The following CPED1 variants were observed in gnomAD, a reference collection of about 807,000 sequenced individuals.
CPED1 encodes cadherin like and PC-esterase domain containing 1.
CPED1 carries 114 observed loss-of-function variants against 128.2 expected under a neutral mutation model. The observed-to-expected ratio is 0.89, with a 90% CI of 0.76 to 1.04. The LOEUF (loss-of-function observed/expected upper bound fraction) is 1.04, where lower values mean the gene tolerates loss of function less well. Ranked by LOEUF, CPED1 falls within the 50% of genes least tolerant of loss-of-function variation. The probability of loss-of-function intolerance (pLI) is 0.00; values close to 1 mark genes in which losing one functional copy is unlikely to be tolerated. For synonymous variants in CPED1, 462 were observed against 426.7 expected, an observed-to-expected ratio of 1.08 and a Z score of -1.02; for missense variants, 1,211 against 1,207.1, an observed-to-expected ratio of 1.00 and a Z score of -0.05.
chr7:121,100,908 GA>G (rs1198840282), intron 7 of CPED1, among the ~76,000 whole-genome samples: 2 of 151,992 alleles, frequency 1.3e-5, no homozygotes, highest in East Asian at 3.9e-4. Flanking sequence ...GCAAATTTTA[GA>G]ATTTATTTCT....
chr7:121,046,156 C>T (rs1345088154), intron 3 of CPED1, among the ~76,000 whole-genome samples: 1 of 151,908 alleles, frequency 6.6e-6, no homozygotes, highest in African/African-American at 2.4e-5. Flanking sequence ...AAGAATGTAC[C>T]CTTCTGAGAT....
intron 5 of CPED1, among the ~76,000 whole-genome samples, chr7:121,065,979 T>C (rs1793821983): frequency 6.6e-6 from 1 of 152,166 alleles, no homozygotes; most frequent in East Asian, 1.9e-4. Context: ...TATTTTCTGA[T>C]CTAAGTTTTA....
Position 121,122,921 on chromosome 7 carries a change from T to C in CPED1, c.919-1410T>C, listed in dbSNP as rs530287627. Among the ~76,000 whole-genome samples the C allele has an allele frequency of 7.9e-5, 12 of 152,308 alleles. 1 individual carries two copies. Among genetic ancestry groups the C allele is most frequent in the South Asian group, 6.2e-4 (3 of 4,818 alleles). The stretch of plus-strand genomic sequence containing the variant: ...GACATTTCCAACTTTCATATATTAT[T>C]AACCTTAACCTCTGTGATATTCAGG... On this transcript the variant is annotated intron_variant, in intron 7 of 22. Coordinates refer to ENST00000310396, the MANE Select transcript of CPED1 (RefSeq NM_024913.5).
rs975868062 is a variant in CPED1 at position 121,226,390 on chromosome 7, A to G, written c.2056-10324A>G. Among the ~76,000 whole-genome samples, 6 of 152,068 alleles carry G rather than the reference A, an allele frequency of 3.9e-5. No homozygotes were observed. In the East Asian group the frequency reaches 9.7e-4, roughly 25 times the overall value. ...CTGCAGACCGGAGCTGTTCCTGTTC[A>G]GCCATCTTGGAATGGATGTCCTCCA... On this transcript the variant is annotated intron_variant, in intron 16 of 22. Coordinates refer to ENST00000310396, the MANE Select transcript of CPED1 (RefSeq NM_024913.5).
chr7:121,202,684 C>A (rs1157974078), intron 16 of CPED1, among the ~76,000 whole-genome samples: 2 of 152,076 alleles, frequency 1.3e-5, no homozygotes, highest in African/African-American at 4.8e-5. Context: ...CAGAGAGTAT[C>A]CTGTTTCTCT....
chr7:121,229,417 A>G (rs1052389228), intron 16 of CPED1, among the ~76,000 whole-genome samples: 13 of 152,056 alleles, frequency 8.5e-5, no homozygotes, highest in African/African-American at 3.1e-4. Context: ...CTTGCTTCTC[A>G]GCATATGTCT....
chr7:121,161,671 C>T (rs1382051631), intron 16 of CPED1, among the ~76,000 whole-genome samples: 1 of 152,164 alleles, frequency 6.6e-6, no homozygotes, highest in African/African-American at 2.4e-5. Context: ...ACTTCTCTGC[C>T]TACCATAAAG....
At chr7:121,094,070 G>C (rs1794639305) in intron 5 of CPED1, among the ~76,000 whole-genome samples, 1 of 152,110 alleles carries the variant, frequency 6.6e-6, no homozygotes, top group South Asian at 2.1e-4. Context: ...ATACCTGTAG[G>C]CTAAGTTCTA....
chr7:121,121,581 C>G (rs1337165458), intron 7 of CPED1, among the ~76,000 whole-genome samples: 1 of 152,112 alleles, frequency 6.6e-6, no homozygotes, highest in Non-Finnish European at 1.5e-5. Flanking sequence ...ATACTGATTT[C>G]CTTGCGAACT....
intron 2 of CPED1, among the ~76,000 whole-genome samples, chr7:121,015,074 A>G (rs1054527652): frequency 6.6e-6 from 1 of 152,238 alleles, no homozygotes; most frequent in Non-Finnish European, 1.5e-5. Flanking sequence ...ACGTAGAATT[A>G]TGATACTTCA....
intron 3 of CPED1, among the ~76,000 whole-genome samples, chr7:121,028,447 C>T (rs1031962588): frequency 3.3e-5 from 5 of 152,122 alleles, no homozygotes; most frequent in Non-Finnish European, 5.9e-5. Flanking sequence ...ACTGAATTTG[C>T]GCAGACGCTG....
At chr7:121,201,945 T>C (rs1411305221) in intron 16 of CPED1, among the ~76,000 whole-genome samples, 1 of 152,134 alleles carries the variant, frequency 6.6e-6, no homozygotes, top group Non-Finnish European at 1.5e-5. Flanking sequence ...TGGAACAAAA[T>C]TGAGTATGCT....
intron 18 of CPED1, among the ~76,000 whole-genome samples, chr7:121,256,111 C>CA (rs1286167648): frequency 0.14 from 4,519 of 32,220 alleles, 196 homozygotes; most frequent in Non-Finnish European, 0.18. Flanking sequence ...CAATCCTAAG[C>CA]AAAAAAAAAA....
chr7:121,067,237 T>C (rs1793853730), intron 5 of CPED1, among the ~76,000 whole-genome samples: 1 of 152,088 alleles, frequency 6.6e-6, no homozygotes, highest in Non-Finnish European at 1.5e-5. Context: ...TAACATTAGG[T>C]ATATCTCCTA....
intron 22 of CPED1, among the ~76,000 whole-genome samples, chr7:121,287,076 G>A (rs889174595): frequency 2.6e-5 from 4 of 152,172 alleles, no homozygotes; most frequent in East Asian, 1.9e-4. Context: ...CCACCTCCCC[G>A]ATTCAATTAC....
chr7:121,102,422 G>A (rs886722276), intron 7 of CPED1, among the ~76,000 whole-genome samples: 10 of 152,146 alleles, frequency 6.6e-5, no homozygotes, highest in African/African-American at 2.4e-5. Flanking sequence ...GACAGAATGT[G>A]CTCCAAACAT....
At chr7:121,102,791 C>G (rs1794887044) in intron 7 of CPED1, among the ~76,000 whole-genome samples, 2 of 152,064 alleles carry the variant, frequency 1.3e-5, no homozygotes, top group South Asian at 4.2e-4. Flanking sequence ...CAAATAGCCT[C>G]CAACAACTCC....
At chr7:121,248,803 A>G (rs1354864611) in intron 18 of CPED1, among the ~76,000 whole-genome samples, 1 of 152,154 alleles carries the variant, frequency 6.6e-6, no homozygotes, top group Non-Finnish European at 1.5e-5. Context: ...AAATGAGTCC[A>G]CTAGCTTCTC....
chr7:121,169,643 A>G (rs1485679626), intron 16 of CPED1, among the ~76,000 whole-genome samples: 1 of 152,210 alleles, frequency 6.6e-6, no homozygotes, highest in East Asian at 1.9e-4. Context: ...CGTGTATCCC[A>G]GTGCCTGATG....
Sources: allele counts gnomAD v4.1 joint callset (sites outside exome capture counted in the v4.1 genomes callset), GRCh38; gene constraint gnomAD v4.1.1; transcripts MANE v1.5; gene names NCBI Gene and HGNC (gene_info 2026-07-23, HGNC 2026-07-21).